The following CCDC102B variants were observed in gnomAD, a reference collection of about 807,000 sequenced individuals.
CCDC102B encodes the protein coiled-coil domain containing 102B.
In CCDC102B, 75 loss-of-function variants were observed where a neutral mutation model predicts 57.4. The ratio of observed to expected loss-of-function variants is 1.31; its 90% CI spans 1.08 to 1.58. The LOEUF is 1.58. CCDC102B is among the 40% of genes most tolerant of loss of function. The pLI, the probability that CCDC102B is intolerant of heterozygous loss-of-function variation, is 0.00. For missense variants in CCDC102B, 636 were observed against 582.6 expected (o/e 1.09, Z -0.94); for synonymous variants, 206 against 201.9 (o/e 1.02, Z -0.17).
At chr18:68,737,818 G>A (rs915185953) in intron 2 of CCDC102B, among the ~76,000 whole-genome samples, 2 of 152,050 alleles carry the variant, frequency 1.3e-5, no homozygotes, top group African/African-American at 4.8e-5. Flanking sequence ...AAACTGAGCA[G>A]TAATAACTTT....
chr18:68,941,725 T>G (rs2049384846), intron 6 of CCDC102B, among the ~76,000 whole-genome samples: 1 of 152,078 alleles, frequency 6.6e-6, no homozygotes, highest in African/African-American at 2.4e-5. Context: ...GCAAAGAACA[T>G]CAAAATGCAA....
chr18:69,047,213 T>C (rs1036936858), intron 7 of CCDC102B, among the ~76,000 whole-genome samples: 5 of 152,124 alleles, frequency 3.3e-5, no homozygotes, highest in Admixed American at 6.6e-5. Flanking sequence ...TAATGCATCA[T>C]GATCAAGTAG....
chr18:68,846,495 C>T (rs1937823443), intron 4 of CCDC102B, 74 bp downstream of exon 4: 15 of 911,004 alleles, frequency 1.6e-5, no homozygotes, highest in South Asian at 5.4e-5. Context: ...AGCATGTGGG[C>T]AGAAAGGCAC....
chr18:68,936,714 T>C (rs1374845684), intron 6 of CCDC102B, among the ~76,000 whole-genome samples: 1 of 151,538 alleles, frequency 6.6e-6, no homozygotes, highest in Non-Finnish European at 1.5e-5. Context: ...AATTGTTCTT[T>C]AGACAGTTCA....
chr18:68,825,639 G>A (rs879265909), intron 1 of CCDC102B, among the ~76,000 whole-genome samples: 8 of 152,130 alleles, frequency 5.3e-5, no homozygotes, highest in Non-Finnish European at 8.8e-5. Context: ...GCAGTGAGCC[G>A]AGATCACTCC....
chr18:68,747,987 G>A (rs1568230161), intron 2 of CCDC102B, among the ~76,000 whole-genome samples: 2 of 151,972 alleles, frequency 1.3e-5, no homozygotes, highest in South Asian at 2.1e-4. Context: ...CACCAACACT[G>A]TTACAAGGGT....
At chr18:68,952,280 G>A (rs1312933967) in intron 6 of CCDC102B, among the ~76,000 whole-genome samples, 2 of 151,768 alleles carry the variant, frequency 1.3e-5, no homozygotes, top group African/African-American at 4.8e-5. Flanking sequence ...TCAAAATGGG[G>A]TTATTCACAA....
chr18:68,829,140 G>A (rs993104467), intron 1 of CCDC102B, among the ~76,000 whole-genome samples: 5 of 151,798 alleles, frequency 3.3e-5, no homozygotes, highest in African/African-American at 7.2e-5. Flanking sequence ...TTGTTGATTC[G>A]ATTTATATTT....
chr18:68,980,965 TA>T (rs1355805578), intron 6 of CCDC102B, among the ~76,000 whole-genome samples: 6 of 151,978 alleles, frequency 3.9e-5, no homozygotes, highest in African/African-American at 1.4e-4. Context: ...AGCAACATTA[TA>T]AGTCCCAATA....
At chr18:68,885,637 G>A (rs1330562412) in intron 5 of CCDC102B, among the ~76,000 whole-genome samples, 1 of 151,908 alleles carries the variant, frequency 6.6e-6, no homozygotes, top group Admixed American at 6.6e-5. Context: ...TCTTAGAATT[G>A]TACACATACT....
At chr18:68,889,612 G>GTTT (rs2040005847) in intron 5 of CCDC102B, among the ~76,000 whole-genome samples, 2 of 151,988 alleles carry the variant, frequency 1.3e-5, no homozygotes, top group African/African-American at 4.8e-5. Flanking sequence ...TTGTTTGTTT[G>GTTT]TTTTTTCAGT....
intron 6 of CCDC102B, among the ~76,000 whole-genome samples, chr18:68,971,462 T>C (rs2050298689): frequency 6.6e-6 from 1 of 152,174 alleles, no homozygotes; most frequent in Admixed American, 6.6e-5. Flanking sequence ...GAAATTTGAC[T>C]CACTCCAGTT....
At chr18:68,938,645 C>T (rs2049304346) in intron 6 of CCDC102B, among the ~76,000 whole-genome samples, 1 of 151,458 alleles carries the variant, frequency 6.6e-6, no homozygotes, top group Admixed American at 6.6e-5. Flanking sequence ...ATACAGCTAT[C>T]CCTAGATACA....
chr18:68,725,423 A>G (rs556371776), intron 2 of CCDC102B, among the ~76,000 whole-genome samples: 1 of 152,340 alleles, frequency 6.6e-6, no homozygotes, highest in Admixed American at 6.5e-5. Flanking sequence ...AGGCGTCAGA[A>G]GGCTCTGCTC....
At chr18:68,823,035 G>A (rs1029264192) in intron 1 of CCDC102B, among the ~76,000 whole-genome samples, 3 of 152,058 alleles carry the variant, frequency 2.0e-5, no homozygotes, top group African/African-American at 7.2e-5. Context: ...ATTGGTCTGG[G>A]GCCAAGCCTT....
At chr18:68,943,743 C>G (rs532972393) in intron 6 of CCDC102B, among the ~76,000 whole-genome samples, 2 of 152,058 alleles carry the variant, frequency 1.3e-5, no homozygotes, top group African/African-American at 4.8e-5. Context: ...TTATTTAAGC[C>G]GGCGGCCAAA....
chr18:68,929,845 T>C (rs112726697), intron 6 of CCDC102B, among the ~76,000 whole-genome samples: 3 of 147,132 alleles, frequency 2.0e-5, no homozygotes, highest in Admixed American at 6.8e-5. Context: ...CACACACACA[T>C]ATATATATGC....
chr18:69,027,393 G>C (rs994382569), intron 7 of CCDC102B, among the ~76,000 whole-genome samples: 3 of 152,024 alleles, frequency 2.0e-5, no homozygotes, highest in Non-Finnish European at 2.9e-5. Context: ...ATTGGCATAA[G>C]GTAAGCATAT....
chr18:68,871,321 G>A (rs535398842), intron 4 of CCDC102B, among the ~76,000 whole-genome samples: 1 of 152,268 alleles, frequency 6.6e-6, no homozygotes, highest in Admixed American at 6.5e-5. Context: ...CTTAACGAAT[G>A]TGATATATCA....
Sources: gnomAD v4.1 joint callset for allele counts (sites outside exome capture counted in the v4.1 genomes callset) on GRCh38, gnomAD v4.1.1 for gene constraint, MANE v1.5 for transcripts, NCBI Gene and HGNC (gene_info 2026-07-23, HGNC 2026-07-21) for gene names.